B3GLCT: variants seen among roughly 807,000 people sequenced by gnomAD.
B3GLCT encodes beta 3-glucosyltransferase.
Under a neutral mutation model 63.4 loss-of-function variants are expected in B3GLCT, and 65 were observed. That is an observed-to-expected ratio of 1.03 (90% CI 0.84 to 1.26). The LOEUF (loss-of-function observed/expected upper bound fraction) is 1.26. B3GLCT is among the 50% of genes most tolerant of loss of function. B3GLCT has a pLI of 0.00. For synonymous variants in B3GLCT, 233 were observed against 219.2 expected (o/e 1.06, Z -0.55); for missense variants, 577 against 604.8 (o/e 0.95, Z 0.48).
chr13:31,230,577 T>C (rs1870327157), intron 4 of B3GLCT, among the ~76,000 whole-genome samples: 1 of 152,262 alleles, frequency 6.6e-6, no homozygotes, highest in Admixed American at 6.5e-5. Flanking sequence ...TGTATCAAAC[T>C]GTCTTGCGTC....
intron 4 of B3GLCT, among the ~76,000 whole-genome samples, chr13:31,245,454 G>C (rs1390492033): frequency 6.6e-6 from 1 of 151,992 alleles, no homozygotes; most frequent in East Asian, 1.9e-4. Flanking sequence ...CTATCATCTT[G>C]ACACAAATAT....
intron 1 of B3GLCT, among the ~76,000 whole-genome samples, chr13:31,203,907 A>G (rs1026177632): frequency 2.0e-5 from 3 of 152,218 alleles, no homozygotes; most frequent in Non-Finnish European, 4.4e-5. Flanking sequence ...TACTAGAAGA[A>G]TGTCAATTTA....
chr13:31,213,513 A>C (rs1336889189), intron 1 of B3GLCT, among the ~76,000 whole-genome samples: 3 of 151,676 alleles, frequency 2.0e-5, no homozygotes, highest in African/African-American at 7.3e-5. Context: ...TCATGAGCCC[A>C]GGAATGAAGG....
chr13:31,218,251 G>A (rs773314737), intron 2 of B3GLCT, among the ~76,000 whole-genome samples: 23 of 148,220 alleles, frequency 1.6e-4, no homozygotes, highest in Admixed American at 6.8e-5. Context: ...ATGCAGTGGC[G>A]TGATCTCAGC....
chr13:31,200,922 C>T (rs182697667), intron 1 of B3GLCT, among the ~76,000 whole-genome samples: 22 of 152,214 alleles, frequency 1.4e-4, no homozygotes, highest in African/African-American at 4.6e-4. Context: ...TGCCCGGTCT[C>T]CTGCTGCTGT....
chr13:31,308,371 A>AAAAACAAAAAAAAC (rs1874518320), intron 12 of B3GLCT, among the ~76,000 whole-genome samples: 1 of 140,178 alleles, frequency 7.1e-6, no homozygotes, highest in Non-Finnish European at 1.6e-5. Context: ...CAAAAAAAAA[A>AAAAACAAAAAAAAC]GCTAGTCCCA....
At chr13:31,323,728 T>G in intron 13 of B3GLCT, 23 bp from the exon 14 acceptor site, 1 of 1,613,990 alleles carries the variant, frequency 6.2e-7, no homozygotes, top group African/African-American at 1.3e-5. Context: ...TCTAACCCCT[T>G]TCTCTGCTCT....
At chr13:31,215,898 A>G (rs1869537348) in intron 2 of B3GLCT, among the ~76,000 whole-genome samples, 1 of 152,106 alleles carries the variant, frequency 6.6e-6, no homozygotes, top group South Asian at 2.1e-4. Context: ...CAGAACCAGA[A>G]AGCTAGGCCA....
At chr13:31,311,926 CAAAG>C (rs1484528868) in intron 12 of B3GLCT, among the ~76,000 whole-genome samples, 1 of 152,138 alleles carries the variant, frequency 6.6e-6, no homozygotes, top group Non-Finnish European at 1.5e-5. Flanking sequence ...CTTCCCATAA[CAAAG>C]TAACATTTAA....
chr13:31,222,912 GTACTGAGA>G (rs2137758905), intron 2 of B3GLCT, 32 bp from the exon 3 acceptor site: 1 of 1,338,554 alleles, frequency 7.5e-7, no homozygotes, highest in East Asian at 2.3e-5. Context: ...GCTTTGTTAT[GTACTGAGA>G]TTCATCTTTT....
At chr13:31,260,899 A>G (rs1040692535) in intron 6 of B3GLCT, 47 bp from the exon 7 acceptor site, 7 of 1,577,004 alleles carry the variant, frequency 4.4e-6, no homozygotes, top group Non-Finnish European at 4.4e-6. Flanking sequence ...TTGGTCTTAC[A>G]TGAAATGATT....
intron 6 of B3GLCT, 47 bp downstream of exon 6, chr13:31,248,013 C>G: frequency 1.9e-6 from 2 of 1,035,742 alleles, no homozygotes; most frequent in Non-Finnish European, 3.0e-6. Context: ...GACAGTGTTT[C>G]AAAGGAGATT....
chr13:31,235,612 G>T (rs7983633), intron 4 of B3GLCT, among the ~76,000 whole-genome samples: 1 of 152,112 alleles, frequency 6.6e-6, no homozygotes, highest in Non-Finnish European at 1.5e-5. Context: ...TGTGGCCTGC[G>T]CACTGACCTC....
intron 6 of B3GLCT, among the ~76,000 whole-genome samples, chr13:31,252,937 T>A (rs573894422): frequency 2.9e-4 from 44 of 152,248 alleles, no homozygotes; most frequent in Middle Eastern, 3.4e-3. Context: ...TCACTCTTAT[T>A]CTAAAATTGA....
intron 14 of B3GLCT, among the ~76,000 whole-genome samples, chr13:31,328,158 T>C (rs1305529608): frequency 1.3e-5 from 2 of 152,226 alleles, no homozygotes; most frequent in Admixed American, 6.5e-5. Flanking sequence ...CTGTCCATTT[T>C]ATAAGGCTGT....
rs1875909410 is a variant in B3GLCT at position 31,331,285 on chromosome 13, A to G, written c.*1617A>G. The G allele has an allele frequency of 6.6e-6, 1 of 152,224 alleles. No homozygotes were observed. Among genetic ancestry groups the G allele is most frequent in the African/African-American group, 2.4e-5 (1 of 41,448 alleles). 9.4% of individuals were successfully genotyped at this position (152,224 alleles called of 1,614,324 possible). A position where few individuals can be genotyped will look rare whatever the true frequency, so the allele number is the denominator to read the frequency against. On this transcript the variant is annotated 3_prime_UTR_variant, in exon 15 of 15. Transcript: ENST00000343307. ...CTGGCTGCCTACACCAGTGGAAAAG[A>G]GTCTCCAGTTCTGCTCTGGCCTACT...
At position 31,309,726 on chromosome 13, in the gene B3GLCT, A is replaced by G. The variant is rs145945004; in HGVS notation, c.1065-7840A>G. Reference sequence around the variant, plus strand: ...CCCAGGAATCTGCACATGTTTAGCTATCCAGGAACTGTTCAAACCCTGTCC... The same window carrying G: ...CCCAGGAATCTGCACATGTTTAGCTGTCCAGGAACTGTTCAAACCCTGTCC... On this transcript the variant is annotated intron_variant, in intron 12 of 14. Coordinates refer to ENST00000343307, the MANE Select transcript of B3GLCT (RefSeq NM_194318.4). Among the ~76,000 whole-genome samples the G allele has an allele frequency of 1.0e-3, 159 of 152,308 alleles. 2 individuals are homozygous for G. In the East Asian group the frequency reaches 0.011, roughly 10 times the overall value.
chr13:31,299,505 A>C (rs1289396770), intron 12 of B3GLCT, among the ~76,000 whole-genome samples: 1 of 152,110 alleles, frequency 6.6e-6, no homozygotes, highest in Non-Finnish European at 1.5e-5. Flanking sequence ...GGCCACTAGC[A>C]CCAGTCTCTG....
chr13:31,226,621 G>A (rs186504289), intron 3 of B3GLCT, among the ~76,000 whole-genome samples: 2 of 151,822 alleles, frequency 1.3e-5, no homozygotes, highest in Admixed American at 1.3e-4. Context: ...TTTTTTTAGA[G>A]ATGTAGTCTT....
Sources: gnomAD v4.1 joint callset for allele counts (sites outside exome capture counted in the v4.1 genomes callset) on GRCh38, gnomAD v4.1.1 for gene constraint, MANE v1.5 for transcripts, NCBI Gene and HGNC (gene_info 2026-07-23, HGNC 2026-07-21) for gene names.